Variants in SMU1 observed in about 807,000 individuals in gnomAD.
SMU1 encodes the protein SMU1 DNA replication regulator and spliceosomal factor, also known as WD40 repeat-containing protein SMU1.
In SMU1, 2 loss-of-function variants were observed where a neutral mutation model predicts 62.0. The observed-to-expected ratio is 0.03, with a 90% confidence interval of 0.01 to 0.10. The LOEUF (loss-of-function observed/expected upper bound fraction) is 0.10. SMU1 is among the 10% of genes least tolerant of loss of function. SMU1 has a pLI of 1.00. For missense variants in SMU1, 227 were observed against 622.1 expected (o/e 0.36, Z 6.76); for synonymous variants, 188 against 212.4 (o/e 0.89, Z 1.00).
intron 10 of SMU1, among the ~76,000 whole-genome samples, chr9:33,050,485 C>T (rs1839231166): frequency 6.7e-6 from 1 of 150,302 alleles, no homozygotes; most frequent in South Asian, 2.1e-4. Flanking sequence ...ACCAAGATGT[C>T]CTTTGGTAGA....
intron 9 of SMU1, among the ~76,000 whole-genome samples, chr9:33,055,626 T>C (rs1044405831): frequency 6.6e-6 from 1 of 152,192 alleles, no homozygotes; most frequent in Non-Finnish European, 1.5e-5. Context: ...AATAACTATC[T>C]AGGAGAAGGC....
intron 9 of SMU1, 121 bp from the exon 10 acceptor site, chr9:33,053,411 TCTTA>T (rs1839270895): frequency 2.9e-6 from 3 of 1,036,958 alleles, no homozygotes; most frequent in Non-Finnish European, 2.8e-6. Flanking sequence ...GAAAAAAGTT[TCTTA>T]CTTGATTTTA....
intron 11 of SMU1, 72 bp from the exon 12 acceptor site, chr9:33,047,463 T>G (rs1587705201): frequency 1.6e-6 from 2 of 1,267,574 alleles, no homozygotes; most frequent in Non-Finnish European, 2.2e-6. Flanking sequence ...CTTCCAGAGG[T>G]GGGTGGAAGG....
At chr9:33,062,664 A>G (rs1177889377) in intron 4 of SMU1, among the ~76,000 whole-genome samples, 1 of 151,964 alleles carries the variant, frequency 6.6e-6, no homozygotes, top group Non-Finnish European at 1.5e-5. Flanking sequence ...AATATATCCC[A>G]TCTAGTAGAT....
chr9:33,062,341 C>T (rs1839372071), intron 4 of SMU1, 164 bp from the exon 5 acceptor site: 1 of 423,922 alleles, frequency 2.4e-6, no homozygotes, highest in Admixed American at 6.4e-5. Flanking sequence ...CTGTGCTCCC[C>T]TGTGTGTCCA....
intron 4 of SMU1, among the ~76,000 whole-genome samples, chr9:33,065,617 A>C (rs1197201541): frequency 6.6e-6 from 1 of 152,212 alleles, no homozygotes; most frequent in Non-Finnish European, 1.5e-5. Context: ...GAAGCAAGCC[A>C]AACTACCTTG....
intron 11 of SMU1, 150 bp downstream of exon 11, chr9:33,047,956 T>C: frequency 1.6e-6 from 1 of 631,144 alleles, no homozygotes; most frequent in Non-Finnish European, 2.5e-6. Flanking sequence ...ATTTTACTTC[T>C]TGAATTTGAC....
At chr9:33,047,899 A>G (rs1839204046) in intron 11 of SMU1, among the ~76,000 whole-genome samples, 1 of 152,046 alleles carries the variant, frequency 6.6e-6, no homozygotes, top group African/African-American at 2.4e-5. Flanking sequence ...AAACTTATAT[A>G]GTGTTAAGCC....
Position 33,047,405 on chromosome 9 carries a change from A to C in SMU1, c.1444-14T>G. The C allele has an allele frequency of 6.2e-7, 1 of 1,609,752 alleles. No individual in the cohort carries two copies. The highest frequency in any genetic ancestry group is 1.1e-5 in the South Asian group (1 of 90,840). ...CTTCTCGTGCACCTGGAACATGTAA[A>C]GCACAGGGTTAGGATGTACAGATCT... On this transcript the variant is annotated splice_polypyrimidine_tract_variant and intron_variant, in intron 11 of 11. Transcript: ENST00000397149.
chr9:33,069,042 G>T, intron 3 of SMU1, 108 bp from the exon 4 acceptor site: 1 of 1,401,114 alleles, frequency 7.1e-7, no homozygotes, highest in East Asian at 2.7e-5. Flanking sequence ...AATGTGAAAA[G>T]AAATTACCCA....
chr9:33,073,485 G>A, intron 2 of SMU1, 111 bp downstream of exon 2: 1 of 671,642 alleles, frequency 1.5e-6, no homozygotes, highest in South Asian at 1.9e-5. Flanking sequence ...ATTGTTGTAT[G>A]GGCTGATGCA....
At chr9:33,057,477 C>T in intron 7 of SMU1, 121 bp downstream of exon 7, 1 of 1,234,912 alleles carries the variant, frequency 8.1e-7, no homozygotes, top group Non-Finnish European at 1.1e-6. Flanking sequence ...AAGTGATTAG[C>T]ATAAAGCTGA....
chr9:33,056,098 T>C lies in SMU1; in HGVS notation c.1122+15A>G, dbSNP rs777924749. On this transcript the variant is annotated intron_variant, in intron 9 of 11. Coordinates refer to ENST00000397149, the MANE Select transcript of SMU1 (RefSeq NM_018225.3). ...GGGTAGACATCCCAAAATAAACTGA[T>C]AGCAAATACTTAACCTTTACAGTGC... is the stretch of plus-strand genomic sequence containing the variant. 4 of 1,594,246 alleles carry C rather than the reference T, an allele frequency of 2.5e-6. No individual in the cohort carries two copies. In the East Asian group the frequency reaches 6.8e-5, roughly 27 times the overall value.
intron 4 of SMU1, among the ~76,000 whole-genome samples, chr9:33,068,349 T>G (rs971630400): frequency 6.6e-6 from 1 of 152,134 alleles, no homozygotes; most frequent in African/African-American, 2.4e-5. Context: ...ACCACTAATC[T>G]ATATTGCCTC....
At chr9:33,048,773 T>A (rs191991989) in intron 10 of SMU1, among the ~76,000 whole-genome samples, 8 of 152,344 alleles carry the variant, frequency 5.3e-5, no homozygotes, top group Non-Finnish European at 1.2e-4. Flanking sequence ...TCCATTTCTA[T>A]ACCATTTTCA....
rs1261911967 is a variant in SMU1, at chr9:33,045,861, T to A, written c.*1432A>T. On this transcript the variant is annotated 3_prime_UTR_variant, in exon 12 of 12. Coordinates refer to ENST00000397149, the MANE Select transcript of SMU1 (RefSeq NM_018225.3). ...CTCCATCTCAGAAAAATAAAATAAA[T>A]TTTTTAAAAAGGTAAATTACAAGAC... 6.6e-6 allele frequency: 1 copy of A among 152,138 alleles called. No homozygotes were observed. The highest frequency in any genetic ancestry group is 2.4e-5 in the African/African-American group (1 of 41,418). The allele number at this position is 152,138 out of a possible 1,614,324, so 9.4% of individuals were successfully genotyped here. A position where few individuals can be genotyped will look rare whatever the true frequency, so the allele number is the denominator to read the frequency against.
chr9:33,047,078 G>T lies in SMU1; in HGVS notation c.*215C>A. 4.8e-6 allele frequency: 2 copies of T among 415,946 alleles called. No homozygotes were observed. Among genetic ancestry groups the T allele is most frequent in the Non-Finnish European group, 8.5e-6 (2 of 234,074 alleles). 25.8% of individuals were successfully genotyped at this position (415,946 alleles called of 1,614,324 possible). A position where few individuals can be genotyped will look rare whatever the true frequency, so the allele number is the denominator to read the frequency against. On this transcript the variant is annotated 3_prime_UTR_variant, in exon 12 of 12. Transcript: ENST00000397149. ...AGATTAATGAAAACATTAAGTGACT[G>T]CACCAGTTAGAAGAAGATAAACTAA... is the stretch of plus-strand genomic sequence containing the variant.
intron 10 of SMU1, among the ~76,000 whole-genome samples, chr9:33,049,764 C>CCACACACACACACACACACACACACA (rs61036431): frequency 5.4e-5 from 8 of 148,406 alleles, no homozygotes; most frequent in African/African-American, 2.0e-4. Context: ...GACCCCATTT[C>CCACACACACACACACACACACACACA]CACACACACA....
chr9:33,051,438 G>C (rs1839247964), intron 10 of SMU1, among the ~76,000 whole-genome samples: 1 of 152,146 alleles, frequency 6.6e-6, no homozygotes, highest in Admixed American at 6.5e-5. Flanking sequence ...AACACCAAGA[G>C]TGAATCCTAA....
Sources: allele counts gnomAD v4.1 joint callset (sites outside exome capture counted in the v4.1 genomes callset), GRCh38; gene constraint gnomAD v4.1.1; transcripts MANE v1.5; gene names NCBI Gene and HGNC (gene_info 2026-07-23, HGNC 2026-07-21).